The following SLC24A2 variants were observed in gnomAD, a reference collection of about 807,000 sequenced individuals.
The protein encoded by SLC24A2 is solute carrier family 24 member 2.
In SLC24A2, 36 loss-of-function variants were observed where a neutral mutation model predicts 62.0. That is an observed-to-expected ratio of 0.58 (90% CI 0.44 to 0.77). The LOEUF (loss-of-function observed/expected upper bound fraction) is 0.77. SLC24A2 is among the 30% of genes least tolerant of loss of function. The probability of loss-of-function intolerance (pLI) is 0.00; values close to 1 mark genes in which losing one functional copy is unlikely to be tolerated. For synonymous variants in SLC24A2, 358 were observed against 294.0 expected (o/e 1.22, Z -2.23); for missense variants, 846 against 817.9 (o/e 1.03, Z -0.42).
At position 19,551,106 on chromosome 9, in the gene SLC24A2, C is replaced by T. The variant is rs576208497; in HGVS notation, c.1348-838G>A. On this transcript the variant is annotated intron_variant, in intron 7 of 10. Transcript: ENST00000341998. The stretch of plus-strand genomic sequence containing the variant: ...TAACTGTAAGTTTGTACCCATTGAC[C>T]GACCTCTCTTCATTTCTCCCTGTCA... Among the ~76,000 whole-genome samples the T allele has an allele frequency of 6.6e-5, 10 of 152,260 alleles. No homozygotes were observed. The South Asian group carries it at 1.0e-3, about 16-fold the overall frequency.
chr9:20,062,894 C>T, the SLC24A2 span, among the ~76,000 whole-genome samples: 2 of 118,434 alleles, frequency 1.7e-5, no homozygotes, highest in African/African-American at 7.2e-5. Flanking sequence ...TGAAAATATG[C>T]TCACCATCAC....
At chr9:20,056,933 G>A in the SLC24A2 span, among the ~76,000 whole-genome samples, 1 of 152,168 alleles carries the variant, frequency 6.6e-6, no homozygotes, top group Non-Finnish European at 1.5e-5. Context: ...ATTTTAAATT[G>A]TTTGGAGAGA....
the SLC24A2 span, among the ~76,000 whole-genome samples, chr9:19,895,027 C>G: frequency 1.3e-5 from 2 of 151,946 alleles, no homozygotes; most frequent in African/African-American, 4.8e-5. Flanking sequence ...TTTGAAAATC[C>G]CTTGCAAGTT....
chr9:19,699,667 C>T (rs1820299391), intron 2 of SLC24A2, among the ~76,000 whole-genome samples: 1 of 152,072 alleles, frequency 6.6e-6, no homozygotes, highest in Non-Finnish European at 1.5e-5. Flanking sequence ...GTATCATAAA[C>T]ACTGGAAAGA....
chr9:19,613,898 A>T (rs1392176371), intron 4 of SLC24A2, among the ~76,000 whole-genome samples: 1 of 152,208 alleles, frequency 6.6e-6, no homozygotes, highest in Non-Finnish European at 1.5e-5. Flanking sequence ...TGGGGCATAG[A>T]GCCATAGCCT....
At chr9:19,526,305 T>A (rs1229063189) in intron 9 of SLC24A2, among the ~76,000 whole-genome samples, 7 of 152,238 alleles carry the variant, frequency 4.6e-5, no homozygotes, top group Admixed American at 2.0e-4. Flanking sequence ...TAATGCTACT[T>A]TGAACATTTG....
chr9:19,569,533 C>T (rs187282633), intron 7 of SLC24A2, among the ~76,000 whole-genome samples: 24 of 152,284 alleles, frequency 1.6e-4, no homozygotes, highest in Admixed American at 1.2e-3. Context: ...CTCCCCTCCA[C>T]GTCTATCACA....
the SLC24A2 span, among the ~76,000 whole-genome samples, chr9:20,097,841 T>C: frequency 5.7e-5 from 8 of 140,366 alleles, no homozygotes; most frequent in East Asian, 4.6e-4. Context: ...CTCCCGGGTT[T>C]ACGCCATTCT....
At chr9:19,520,053 A>G (rs1028793727) in intron 10 of SLC24A2, among the ~76,000 whole-genome samples, 2 of 152,336 alleles carry the variant, frequency 1.3e-5, no homozygotes, top group East Asian at 1.9e-4. Flanking sequence ...CACAGTGCAC[A>G]TGGTAGACAC....
At chr9:20,248,392 G>T in the SLC24A2 span, among the ~76,000 whole-genome samples, 1 of 152,250 alleles carries the variant, frequency 6.6e-6, no homozygotes, top group Non-Finnish European at 1.5e-5. Context: ...TTAAGCAACA[G>T]AAATTTCTCA....
the SLC24A2 span, among the ~76,000 whole-genome samples, chr9:20,245,871 A>ACC: frequency 6.6e-6 from 1 of 152,196 alleles, no homozygotes; most frequent in African/African-American, 2.4e-5. Context: ...CTTCAAGACT[A>ACC]CCCTATAATT....
At position 19,577,042 on chromosome 9, in the gene SLC24A2, C is replaced by T. The variant is rs1311706420; in HGVS notation, c.1130-20G>A. 5.0e-6 allele frequency: 8 copies of T among 1,595,846 alleles called. No individual in the cohort carries two copies. The highest frequency in any genetic ancestry group is 1.3e-5 in the African/African-American group (1 of 74,622). ...ACCTCCCTGAAGCAAAAGAAAGTGGCAGGAAGGAGACACAATGAGAAAGAA... is the reference window on the plus strand; with the variant it reads ...ACCTCCCTGAAGCAAAAGAAAGTGGTAGGAAGGAGACACAATGAGAAAGAA... On this transcript the variant is annotated intron_variant, in intron 5 of 10. Coordinates refer to ENST00000341998, the MANE Select transcript of SLC24A2 (RefSeq NM_020344.4).
chr9:19,721,140 G>C (rs1161145218), intron 2 of SLC24A2, among the ~76,000 whole-genome samples: 1 of 151,908 alleles, frequency 6.6e-6, no homozygotes, highest in Admixed American at 6.6e-5. Context: ...AAATTCCTCA[G>C]AATAAACTAA....
chr9:19,964,119 A>G, the SLC24A2 span, among the ~76,000 whole-genome samples: 5 of 150,888 alleles, frequency 3.3e-5, no homozygotes, highest in South Asian at 4.2e-4. Context: ...TATCGCAAGG[A>G]CAAAAAACCA....
chr9:20,263,844 T>C, the SLC24A2 span, among the ~76,000 whole-genome samples: 59 of 79,852 alleles, frequency 7.4e-4, no homozygotes, highest in Admixed American at 1.1e-3. Context: ...CCTTGTGCCC[T>C]CCTGGATATC....
the SLC24A2 span, among the ~76,000 whole-genome samples, chr9:19,879,897 A>G: frequency 6.6e-6 from 1 of 152,126 alleles, no homozygotes; most frequent in Non-Finnish European, 1.5e-5. Context: ...CTCATTTTTA[A>G]ATATAAAAAT....
At chr9:20,253,952 A>G in the SLC24A2 span, among the ~76,000 whole-genome samples, 1 of 152,150 alleles carries the variant, frequency 6.6e-6, no homozygotes, top group African/African-American at 2.4e-5. Context: ...AAGGAGGACC[A>G]ATGAGGGAGA....
At chr9:19,937,246 G>A in the SLC24A2 span, among the ~76,000 whole-genome samples, 2 of 152,184 alleles carry the variant, frequency 1.3e-5, no homozygotes, top group African/African-American at 2.4e-5. Context: ...GCTGCTCCTT[G>A]CTATTAAAAT....
In SLC24A2 at chr9:19,537,202, T is replaced by G. The variant is rs973100185; in HGVS notation, c.1480-9064A>C. The stretch of plus-strand genomic sequence containing the variant: ...CTTTTGCTGTGCAGAAGCTCTTTAG[T>G]TTAATTAGATCCCATTTGTCAATTT... On this transcript the variant is annotated intron_variant, in intron 8 of 10. Coordinates refer to ENST00000341998, the MANE Select transcript of SLC24A2 (RefSeq NM_020344.4). Among the ~76,000 whole-genome samples the G allele has an allele frequency of 1.5e-3, 222 of 146,752 alleles. 2 individuals carry two copies. The highest frequency in any genetic ancestry group is 5.4e-3 in the African/African-American group (216 of 39,848).
Sources: allele counts gnomAD v4.1 joint callset (sites outside exome capture counted in the v4.1 genomes callset), GRCh38; gene constraint gnomAD v4.1.1; transcripts MANE v1.5; gene names NCBI Gene and HGNC (gene_info 2026-07-23, HGNC 2026-07-21).